The following PGM1 variants were observed in gnomAD, a reference collection of about 807,000 sequenced individuals.
PGM1 encodes the protein phosphoglucomutase 1.
In PGM1, 52 loss-of-function variants were observed where a neutral mutation model predicts 55.6. The ratio of observed to expected loss-of-function variants is 0.94; its 90% CI spans 0.75 to 1.18. The LOEUF (loss-of-function observed/expected upper bound fraction) is 1.18. Ranked by LOEUF, PGM1 falls within the 50% of genes most tolerant of loss-of-function variation. The pLI is 0.00. For synonymous variants in PGM1, 287 were observed against 271.7 expected (o/e 1.06, Z -0.55); for missense variants, 724 against 729.3 (o/e 0.99, Z 0.08).
intron 1 of PGM1, among the ~76,000 whole-genome samples, chr1:63,600,565 A>T (rs1184328332): frequency 6.6e-6 from 1 of 152,212 alleles, no homozygotes; most frequent in Non-Finnish European, 1.5e-5. Context: ...TCAAATGAAG[A>T]TAAGTTCTCT....
chr1:63,607,710 A>G (rs1648460529), intron 1 of PGM1, among the ~76,000 whole-genome samples: 1 of 152,228 alleles, frequency 6.6e-6, no homozygotes, highest in Non-Finnish European at 1.5e-5. Context: ...CCAAATTAGT[A>G]TCGTACCCTG....
chr1:63,657,590 C>T (rs375681719), intron 10 of PGM1, among the ~76,000 whole-genome samples: 15 of 151,924 alleles, frequency 9.9e-5, no homozygotes, highest in Non-Finnish European at 1.8e-4. Context: ...AACTTTTTTC[C>T]CCCAAAACTA....
At chr1:63,635,154 C>G (rs770356057) in intron 5 of PGM1, 135 bp downstream of exon 5, 4 of 737,220 alleles carry the variant, frequency 5.4e-6, no homozygotes, top group Non-Finnish European at 9.6e-6. Context: ...GAGGTCAGAA[C>G]TAAATTATTA....
intron 7 of PGM1, among the ~76,000 whole-genome samples, chr1:63,647,673 G>A (rs776071299): frequency 4.6e-5 from 7 of 151,950 alleles, no homozygotes; most frequent in African/African-American, 7.2e-5. Flanking sequence ...TTATCCAAAC[G>A]CCATTTAAAA....
chr1:63,606,873 G>A (rs895975729), intron 1 of PGM1, among the ~76,000 whole-genome samples: 1 of 152,148 alleles, frequency 6.6e-6, no homozygotes, highest in Non-Finnish European at 1.5e-5. Flanking sequence ...CTAGATTTTT[G>A]GAAGAGACCT....
rs553872025 is a variant in PGM1 at position 63,635,122 on chromosome 1, T to A, written c.873+103T>A. On this transcript the variant is annotated intron_variant, in intron 5 of 10. Coordinates refer to ENST00000371084, the MANE Select transcript of PGM1 (RefSeq NM_002633.3). ...TCTGCCAGACCCAGGGAATAACTGT[T>A]AAGGATCCCTCATTCTGACCCGAGG... 2.5e-4 allele frequency: 235 copies of A among 938,832 alleles called. 2 individuals are homozygous for A. In the South Asian group the frequency reaches 2.9e-3, roughly 12 times the overall value. The allele number at this position is 938,832 out of a possible 1,614,324, so 58.2% of individuals were successfully genotyped here.
rs1018384664 is a variant in PGM1 at position 63,651,687 on chromosome 1, G to A, written c.1299G>A (p.Val433=). The change falls in exon 9 of 11, where the codon GTG becomes GTA. Residue 433 remains valine, a synonymous_variant. Coordinates refer to ENST00000371084, the MANE Select transcript of PGM1 (RefSeq NM_002633.3). ...CTTCCAGGTATGATTACGAGGAGGT[G>A]GAAGCTGAGGGCGCAAACAAAATGA... ...NFFTRYDYEE[V]EAEGANKMMK... is the part of the protein sequence containing the mutation. 2.5e-6 allele frequency: 4 copies of A among 1,613,588 alleles called. No individual in the cohort carries two copies. Among genetic ancestry groups the A allele is most frequent in the Admixed American group, 3.3e-5 (2 of 59,982 alleles).
At chr1:63,609,640 C>A (rs1648515026) in intron 1 of PGM1, among the ~76,000 whole-genome samples, 1 of 152,124 alleles carries the variant, frequency 6.6e-6, no homozygotes, top group Admixed American at 6.5e-5. Flanking sequence ...GGATTTTGAT[C>A]TTTTCTCAGG....
chr1:63,659,402 G>A (rs1460976104), intron 10 of PGM1, among the ~76,000 whole-genome samples, 184 bp from the exon 11 acceptor site: 2 of 152,186 alleles, frequency 1.3e-5, no homozygotes, highest in African/African-American at 4.8e-5. Context: ...CTGTAGTGTT[G>A]ATCCACTGAA....
intron 1 of PGM1, among the ~76,000 whole-genome samples, chr1:63,610,555 T>G (rs928127021): frequency 2.0e-5 from 3 of 152,186 alleles, no homozygotes; most frequent in African/African-American, 7.2e-5. Context: ...TTGAGCTGCT[T>G]CTTTACTCAT....
intron 1 of PGM1, among the ~76,000 whole-genome samples, chr1:63,604,085 C>G (rs1648316359): frequency 6.6e-6 from 1 of 151,960 alleles, no homozygotes; most frequent in African/African-American, 2.4e-5. Context: ...TTTGAAATCT[C>G]AGATTTCCCT....
intron 1 of PGM1, among the ~76,000 whole-genome samples, chr1:63,603,480 C>G (rs1474337192): frequency 1.3e-5 from 2 of 152,210 alleles, no homozygotes; most frequent in East Asian, 3.8e-4. Flanking sequence ...AAACAAGAGG[C>G]AAAATCCACC....
intron 1 of PGM1, among the ~76,000 whole-genome samples, chr1:63,604,917 C>CTGTGTGTG (rs60618789): frequency 1.3e-3 from 158 of 118,832 alleles, no homozygotes; most frequent in African/African-American, 4.4e-3. Flanking sequence ...TTACATAACT[C>CTGTGTGTG]TGTGTGTGTG....
rs147365127 is a variant in PGM1 at position 63,606,455 on chromosome 1, C to G, written c.246+12721C>G. 8.7e-4 allele frequency among the ~76,000 whole-genome samples: 133 copies of G among 152,288 alleles called. 2 individuals carry two copies. In the East Asian group the frequency reaches 0.024, roughly 27 times the overall value. ...CACAGGGACCCATGCCCCTTTTCTT[C>G]TGTTGTGCAGCCTTCCCTGGAGTGT... On this transcript the variant is annotated intron_variant, in intron 1 of 10. Coordinates refer to ENST00000371084, the MANE Select transcript of PGM1 (RefSeq NM_002633.3).
chr1:63,621,527 A>T (rs1349123747), intron 1 of PGM1, among the ~76,000 whole-genome samples: 5 of 152,246 alleles, frequency 3.3e-5, no homozygotes, highest in Non-Finnish European at 7.3e-5. Context: ...TCACAAGCCC[A>T]TATAAAACCA....
intron 7 of PGM1, among the ~76,000 whole-genome samples, chr1:63,639,408 CAGACCTAT>C (rs1649455312): frequency 6.6e-6 from 1 of 151,924 alleles, no homozygotes. Context: ...GGGATGACCC[CAGACCTAT>C]AGACCTCACT....
chr1:63,623,176 GGGTATTTGGCTT>G, intron 1 of PGM1: 1 of 1,190,936 alleles, frequency 8.4e-7, no homozygotes, highest in East Asian at 4.0e-5. Context: ...AATAATTGAA[GGGTATTTGGCTT>G]GGTTAAGTGG....
intron 1 of PGM1, among the ~76,000 whole-genome samples, chr1:63,611,626 C>G (rs139389765): frequency 1.3e-5 from 2 of 152,126 alleles, no homozygotes; most frequent in Non-Finnish European, 2.9e-5. Flanking sequence ...ATCTGTAGGC[C>G]GGGCGCAGTG....
chr1:63,635,228 T>C (rs1310689518), intron 5 of PGM1, among the ~76,000 whole-genome samples: 6 of 152,178 alleles, frequency 3.9e-5, no homozygotes, highest in African/African-American at 1.4e-4. Context: ...ATTTCAGACA[T>C]CCATACTTGC....
Sources: allele counts gnomAD v4.1 joint callset (sites outside exome capture counted in the v4.1 genomes callset), GRCh38; gene constraint gnomAD v4.1.1; transcripts MANE v1.5; gene names NCBI Gene and HGNC (gene_info 2026-07-23, HGNC 2026-07-21).